The following RFPL1 variants were observed in gnomAD, a reference collection of about 807,000 sequenced individuals.
RFPL1 encodes the protein ret finger protein-like 1.
Under a neutral mutation model 9.6 loss-of-function variants are expected in RFPL1, and 6 were observed. The observed-to-expected ratio is 0.62, with a 90% CI of 0.34 to 1.23. The LOEUF (loss-of-function observed/expected upper bound fraction) is 1.23, where lower values mean the gene tolerates loss of function less well. Ranked by LOEUF, RFPL1 falls within the 50% of genes most tolerant of loss-of-function variation. The pLI is 0.03. For missense variants in RFPL1, 352 were observed against 398.4 expected (o/e 0.88, Z 0.99); for synonymous variants, 145 against 149.4 (o/e 0.97, Z 0.22).
chr22:29,389,232 G>A, the RFPL1 span, among the ~76,000 whole-genome samples: 1 of 151,958 alleles, frequency 6.6e-6, no homozygotes, highest in African/African-American at 2.4e-5. Flanking sequence ...CTTAAGATGA[G>A]TGACCTTGAG....
the RFPL1 span, among the ~76,000 whole-genome samples, chr22:29,428,561 A>G: frequency 1.3e-5 from 2 of 152,224 alleles, no homozygotes; most frequent in African/African-American, 4.8e-5. Flanking sequence ...TCCTCAGCAC[A>G]TGGGATCCTC....
At chr22:29,418,686 G>C in the RFPL1 span, among the ~76,000 whole-genome samples, 5 of 151,904 alleles carry the variant, frequency 3.3e-5, no homozygotes, top group Admixed American at 6.6e-5. Flanking sequence ...TTTTAGTAGA[G>C]ACAGGATATC....
At chr22:29,424,173 T>C in the RFPL1 span, among the ~76,000 whole-genome samples, 3 of 151,652 alleles carry the variant, frequency 2.0e-5, no homozygotes, top group Non-Finnish European at 2.9e-5. Context: ...GAATCCTGCT[T>C]TGTCTCAGAA....
intron 1 of RFPL1, chr22:29,440,740 T>A (rs1420412539): frequency 1.3e-5 from 2 of 151,988 alleles, no homozygotes; most frequent in Non-Finnish European, 2.9e-5. Context: ...GTCCGGCTAA[T>A]TTTTTTGTAT....
chr22:29,408,983 C>T, the RFPL1 span, among the ~76,000 whole-genome samples: 1 of 152,068 alleles, frequency 6.6e-6, no homozygotes, highest in Non-Finnish European at 1.5e-5. Context: ...CCAACAGAAC[C>T]CAGCATGATC....
At chr22:29,394,057 G>T in the RFPL1 span, among the ~76,000 whole-genome samples, 1 of 152,150 alleles carries the variant, frequency 6.6e-6, no homozygotes, top group African/African-American at 2.4e-5. Context: ...TGATCCTCCT[G>T]CTTTGGCCTC....
At chr22:29,431,558 C>T in the RFPL1 span, among the ~76,000 whole-genome samples, 3 of 152,134 alleles carry the variant, frequency 2.0e-5, no homozygotes, top group Non-Finnish European at 2.9e-5. Flanking sequence ...GAGTCTAGTA[C>T]ATAGCTGTCC....
the RFPL1 span, among the ~76,000 whole-genome samples, chr22:29,407,026 T>C: frequency 6.6e-6 from 1 of 152,056 alleles, no homozygotes; most frequent in Admixed American, 6.6e-5. Flanking sequence ...AAATCAATGG[T>C]AGATGATACA....
chr22:29,437,948 A>T, upstream of RFPL1: 31 of 364,740 alleles, frequency 8.5e-5, no homozygotes, highest in East Asian at 1.6e-4. Flanking sequence ...CTGGAGAAGG[A>T]TGTGATTTTT....
chr22:29,394,588 C>G, the RFPL1 span, among the ~76,000 whole-genome samples: 1 of 152,072 alleles, frequency 6.6e-6, no homozygotes, highest in Non-Finnish European at 1.5e-5. Context: ...GTGATCTGCC[C>G]GCCTTGGCCT....
At chr22:29,412,614 A>C in the RFPL1 span, among the ~76,000 whole-genome samples, 1 of 152,138 alleles carries the variant, frequency 6.6e-6, no homozygotes, top group Non-Finnish European at 1.5e-5. Context: ...CAGGGCAGTG[A>C]CTGTCTCTTC....
At chr22:29,406,115 CAAAAAAAAA>C in the RFPL1 span, among the ~76,000 whole-genome samples, 12 of 9,762 alleles carry the variant, frequency 1.2e-3, no homozygotes, top group African/African-American at 3.7e-3. Context: ...GACTCCTTCT[CAAAAAAAAA>C]AAAAAAAAAA....
At chr22:29,404,804 G>A in the RFPL1 span, among the ~76,000 whole-genome samples, 3 of 152,172 alleles carry the variant, frequency 2.0e-5, 1 homozygote, top group South Asian at 6.2e-4. Flanking sequence ...ATAGCTCACT[G>A]CAGCCTCAAA....
exon 1 of RFPL1, chr22:29,438,864 C>G: frequency 6.2e-7 from 1 of 1,613,964 alleles, no homozygotes. Context: ...GTGCACTTTT[C>G]CCCTGGCAGT....
rs2062821182 is a variant in RFPL1 at position 29,438,672 on chromosome 22, ACTTT to A, written c.-114_-111del. On this transcript the variant is annotated 5_prime_UTR_variant, in exon 1 of 2. The change abolishes the stop of an existing upstream ORF in the 5' untranslated region. Transcript: ENST00000354373. ...GTTCAGAGCACAGTGATGATTCGTGACTTTCTTTCCCAATAGAACTTCAAATCTC... is the reference window on the plus strand; with the variant it reads ...GTTCAGAGCACAGTGATGATTCGTGACTTTCCCAATAGAACTTCAAATCTC... 6.5e-7 allele frequency: 1 copy of A among 1,527,686 alleles called. No homozygotes were observed. The highest frequency in any genetic ancestry group is 8.8e-7 in the Non-Finnish European group (1 of 1,135,356). The allele number at this position is 1,527,686 out of a possible 1,614,324, so 94.6% of individuals were successfully genotyped here. A position where few individuals can be genotyped will look rare whatever the true frequency, so the allele number is the denominator to read the frequency against.
the RFPL1 span, among the ~76,000 whole-genome samples, chr22:29,420,625 G>A: frequency 2.2e-5 from 2 of 92,192 alleles, no homozygotes; most frequent in African/African-American, 4.3e-5. Context: ...CACTGCAGAT[G>A]GTTTTTTGCT....
chr22:29,424,338 C>T, the RFPL1 span, among the ~76,000 whole-genome samples: 1 of 152,074 alleles, frequency 6.6e-6, no homozygotes, highest in East Asian at 1.9e-4. Flanking sequence ...GATACATGGC[C>T]AAGGCTTCTA....
chr22:29,420,130 C>T, the RFPL1 span, among the ~76,000 whole-genome samples: 1 of 152,240 alleles, frequency 6.6e-6, no homozygotes, highest in Non-Finnish European at 1.5e-5. Flanking sequence ...CAGGATTTCA[C>T]TTCCTGAGAC....
chr22:29,401,572 T>C, the RFPL1 span, among the ~76,000 whole-genome samples: 6 of 152,340 alleles, frequency 3.9e-5, 1 homozygote, highest in South Asian at 1.2e-3. Context: ...CTTCCACGTC[T>C]AATCACCAAG....
Sources: gnomAD v4.1 joint callset for allele counts (sites outside exome capture counted in the v4.1 genomes callset) on GRCh38, gnomAD v4.1.1 for gene constraint, MANE v1.5 for transcripts, NCBI Gene and HGNC (gene_info 2026-07-23, HGNC 2026-07-21) for gene names.